The following PPA2 variants were observed in gnomAD, a reference collection of about 807,000 sequenced individuals.
The protein encoded by PPA2 is inorganic pyrophosphatase 2.
PPA2 carries 48 observed loss-of-function variants against 49.5 expected under a neutral mutation model. The observed-to-expected ratio is 0.97, with a 90% confidence interval of 0.77 to 1.23. The LOEUF (loss-of-function observed/expected upper bound fraction) is 1.23. Ranked by LOEUF, PPA2 falls within the 50% of genes most tolerant of loss-of-function variation. PPA2 has a pLI of 0.00. For synonymous variants in PPA2, 131 were observed against 139.9 expected (o/e 0.94, Z 0.45); for missense variants, 429 against 410.1 (o/e 1.05, Z -0.40).
Position 105,379,630 on chromosome 4 carries a change from A to ATTTT in PPA2, c.939+6933_939+6936dup, listed in dbSNP as rs70964652. The stretch of plus-strand genomic sequence containing the variant: ...AGGCACCCGCCACCACGCCTGGCTA[A>ATTTT]TTTTTTTTTTTTTTTTTTTTTGAGA... On this transcript the variant is annotated intron_variant, in intron 10 of 11. Coordinates refer to ENST00000341695, the MANE Select transcript of PPA2 (RefSeq NM_176869.3). Among the ~76,000 whole-genome samples, 958 of 127,622 alleles carry ATTTT rather than the reference A, an allele frequency of 7.5e-3. 28 individuals are homozygous for ATTTT. Among genetic ancestry groups the ATTTT allele is most frequent in the African/African-American group, 0.023 (712 of 31,530 alleles). 83.7% of individuals were successfully genotyped at this position (127,622 alleles called of 152,430 possible). A position where few individuals can be genotyped will look rare whatever the true frequency, so the allele number is the denominator to read the frequency against.
Position 105,461,983 on chromosome 4 carries a change from G to A in PPA2, c.158-5238C>T, listed in dbSNP as rs1397640003. Among the ~76,000 whole-genome samples, 8 of 152,080 alleles carry A rather than the reference G, an allele frequency of 5.3e-5. No individual in the cohort carries two copies. In the East Asian group the frequency reaches 1.5e-3, roughly 29 times the overall value. On this transcript the variant is annotated intron_variant, in intron 1 of 11. Transcript: ENST00000341695. ...TAAGAACTCATTAAAAGTTTTCCAG[G>A]GCCAATCATGTTGATATGCTATTAT... is the stretch of plus-strand genomic sequence containing the variant.
chr4:105,399,389 A>G (rs1447965776), intron 7 of PPA2: 3 of 345,300 alleles, frequency 8.7e-6, no homozygotes, highest in Non-Finnish European at 1.5e-5. Context: ...AACATTTACA[A>G]AGCATCTTCA....
intron 9 of PPA2, among the ~76,000 whole-genome samples, chr4:105,394,420 A>G (rs1447944414): frequency 6.6e-6 from 1 of 151,316 alleles, no homozygotes; most frequent in East Asian, 1.9e-4. Flanking sequence ...TAAGGTTTAA[A>G]TCCTGGCTCC....
At chr4:105,433,981 TG>T (rs776364853) in intron 6 of PPA2, among the ~76,000 whole-genome samples, 2 of 152,194 alleles carry the variant, frequency 1.3e-5, no homozygotes, top group Non-Finnish European at 2.9e-5. Context: ...TGTGGTAGTA[TG>T]GTATTCTATT....
chr4:105,451,721 T>C, intron 3 of PPA2, among the ~76,000 whole-genome samples: 1 of 152,150 alleles, frequency 6.6e-6, no homozygotes, highest in South Asian at 2.1e-4. Context: ...CCAAAACCAC[T>C]CACAGATACT....
chr4:105,421,575 T>C (rs770355277), intron 7 of PPA2, among the ~76,000 whole-genome samples: 23 of 152,190 alleles, frequency 1.5e-4, no homozygotes, highest in African/African-American at 2.2e-4. Flanking sequence ...AAAATAATTT[T>C]TCAAAAATAA....
chr4:105,449,497 C>T (rs567822463), intron 3 of PPA2, 94 bp from the exon 4 acceptor site: 141 of 705,860 alleles, frequency 2.0e-4, no homozygotes, highest in Non-Finnish European at 2.4e-4. Context: ...AGATGTTTTC[C>T]CCCGACAAAA....
At chr4:105,416,719 A>G (rs1219349710) in intron 7 of PPA2, among the ~76,000 whole-genome samples, 4 of 152,236 alleles carry the variant, frequency 2.6e-5, no homozygotes, top group Non-Finnish European at 5.9e-5. Flanking sequence ...CAGAATCTCT[A>G]AAAGATTTTC....
At chr4:105,422,782 A>G (rs1206455607) in intron 7 of PPA2, among the ~76,000 whole-genome samples, 1 of 152,234 alleles carries the variant, frequency 6.6e-6, no homozygotes, top group African/African-American at 2.4e-5. Context: ...GTTATATGCT[A>G]GAGAGTTTAA....
Position 105,440,758 on chromosome 4 carries a change from G to A in PPA2, c.442-2722C>T, listed in dbSNP as rs555735151. 2.0e-5 allele frequency among the ~76,000 whole-genome samples: 3 copies of A among 152,002 alleles called. No homozygotes were observed. In the South Asian group the frequency reaches 6.3e-4, roughly 32 times the overall value. On this transcript the variant is annotated intron_variant, in intron 5 of 11. Coordinates refer to ENST00000341695, the MANE Select transcript of PPA2 (RefSeq NM_176869.3). ...ACTGTCTTGACATTAACTTAGTTGT[G>A]GTGACTATTTCTGTTGGTTGGTTGG...
intron 1 of PPA2, among the ~76,000 whole-genome samples, chr4:105,468,295 C>A (rs2110333220): frequency 6.6e-6 from 1 of 152,206 alleles, no homozygotes; most frequent in African/African-American, 2.4e-5. Flanking sequence ...GAGGATTGAG[C>A]CCTGGGCATT....
At chr4:105,426,117 T>C (rs970915730) in intron 6 of PPA2, among the ~76,000 whole-genome samples, 3 of 152,212 alleles carry the variant, frequency 2.0e-5, no homozygotes, top group African/African-American at 7.2e-5. Context: ...AAACTCACCA[T>C]ATACTTAAAA....
intron 5 of PPA2, among the ~76,000 whole-genome samples, chr4:105,445,485 A>ATT (rs35887455): frequency 3.3e-5 from 5 of 151,430 alleles, no homozygotes; most frequent in South Asian, 2.1e-4. Flanking sequence ...TTAGAAAACA[A>ATT]TTTTTTTTTA....
intron 7 of PPA2, among the ~76,000 whole-genome samples, chr4:105,408,320 C>A (rs17035569): frequency 0.036 from 5,437 of 152,210 alleles, 325 homozygotes; most frequent in African/African-American, 0.12. Context: ...TTTGGATAAA[C>A]AGTGTGCATG....
At chr4:105,425,444 G>A (rs1231103023) in intron 6 of PPA2, among the ~76,000 whole-genome samples, 1 of 152,086 alleles carries the variant, frequency 6.6e-6, no homozygotes, top group East Asian at 1.9e-4. Context: ...CTCTCAATGA[G>A]CTTAACAACA....
At chr4:105,428,830 A>C (rs1723654829) in intron 6 of PPA2, among the ~76,000 whole-genome samples, 1 of 152,184 alleles carries the variant, frequency 6.6e-6, no homozygotes, top group African/African-American at 2.4e-5. Flanking sequence ...AAAATAAATA[A>C]ATAAACTGAA....
intron 6 of PPA2, among the ~76,000 whole-genome samples, chr4:105,429,344 C>T (rs1344330): frequency 0.56 from 84,765 of 151,970 alleles, 23,722 homozygotes; most frequent in East Asian, 0.68. Context: ...ACAGTGGCAA[C>T]ACTACTCCTG....
chr4:105,396,631 G>A (rs569794019), intron 8 of PPA2, among the ~76,000 whole-genome samples: 8 of 150,582 alleles, frequency 5.3e-5, no homozygotes, highest in African/African-American at 1.9e-4. Context: ...CCCCTGTAAA[G>A]TTTTACTGAA....
At chr4:105,397,402 T>C (rs975435895) in intron 8 of PPA2, among the ~76,000 whole-genome samples, 2 of 152,178 alleles carry the variant, frequency 1.3e-5, no homozygotes, top group African/African-American at 2.4e-5. Flanking sequence ...TAAGGATAGA[T>C]TTTTAATCAA....
Sources: gnomAD v4.1 joint callset for allele counts (sites outside exome capture counted in the v4.1 genomes callset) on GRCh38, gnomAD v4.1.1 for gene constraint, MANE v1.5 for transcripts, NCBI Gene and HGNC (gene_info 2026-07-23, HGNC 2026-07-21) for gene names.